The following PPP1R16B variants were observed in gnomAD, a reference collection of about 807,000 sequenced individuals.
The protein encoded by PPP1R16B is protein phosphatase 1 regulatory inhibitor subunit 16B.
In PPP1R16B, 14 loss-of-function variants were observed where a neutral mutation model predicts 61.7. That is an observed-to-expected ratio of 0.23 (90% CI 0.15 to 0.35). The LOEUF (loss-of-function observed/expected upper bound fraction) is 0.35. PPP1R16B is among the 10% of genes least tolerant of loss of function. The pLI is 1.00. For missense variants in PPP1R16B, 547 were observed against 752.5 expected, an observed-to-expected ratio of 0.73 and a Z score of 3.19; for synonymous variants, 266 against 305.3, an observed-to-expected ratio of 0.87 and a Z score of 1.34.
In PPP1R16B at chr20:38,902,809, G is replaced by A. The variant is rs763641407; in HGVS notation, c.696+17G>A. On this transcript the variant is annotated intron_variant, in intron 6 of 10. Coordinates refer to ENST00000299824, the MANE Select transcript of PPP1R16B (RefSeq NM_015568.4). The stretch of plus-strand genomic sequence containing the variant: ...GCCACACTGGTGAGGAGATGGGCCA[G>A]TACCAAAACCAAGACCAGCTAGGTC... The A allele has an allele frequency of 1.2e-5, 20 of 1,614,038 alleles. No individual in the cohort carries two copies. The highest frequency in any genetic ancestry group is 1.7e-5 in the Non-Finnish European group (20 of 1,179,970).
intron 10 of PPP1R16B, among the ~76,000 whole-genome samples, chr20:38,910,065 T>G (rs2085476523): frequency 6.6e-6 from 1 of 151,630 alleles, no homozygotes; most frequent in Non-Finnish European, 1.5e-5. Flanking sequence ...CTGCAACCTG[T>G]GCTCCCGGGT....
chr20:38,852,631 G>A (rs2084976576), intron 2 of PPP1R16B, among the ~76,000 whole-genome samples: 1 of 152,070 alleles, frequency 6.6e-6, no homozygotes, highest in African/African-American at 2.4e-5. Context: ...GGTGCTCAAT[G>A]GAGTCTAGAC....
intron 2 of PPP1R16B, chr20:38,838,226 C>CGCCCATG (rs2084885350): frequency 6.6e-6 from 1 of 152,542 alleles, no homozygotes; most frequent in Non-Finnish European, 1.5e-5. Flanking sequence ...TTCCCCTTGG[C>CGCCCATG]GCCCATGGCC....
At chr20:38,817,926 C>T (rs1240927822) in intron 1 of PPP1R16B, among the ~76,000 whole-genome samples, 1 of 152,216 alleles carries the variant, frequency 6.6e-6, no homozygotes, top group East Asian at 1.9e-4. Context: ...CACCTGTAGT[C>T]CCAGCTGCTC....
intron 2 of PPP1R16B, among the ~76,000 whole-genome samples, chr20:38,865,900 C>A (rs547658514): frequency 6.6e-6 from 1 of 151,956 alleles, no homozygotes; most frequent in South Asian, 2.1e-4. Context: ...CCGAGTTGGG[C>A]GGATCATGAG....
intron 1 of PPP1R16B, among the ~76,000 whole-genome samples, chr20:38,815,140 T>C (rs1245460057): frequency 6.6e-6 from 1 of 152,220 alleles, no homozygotes; most frequent in Non-Finnish European, 1.5e-5. Context: ...AAGTAAACTT[T>C]CCCCATCTTC....
Position 38,806,094 on chromosome 20 carries a change from C to T in PPP1R16B, c.-102+302C>T, listed in dbSNP as rs1389568387. Among the ~76,000 whole-genome samples, 1 of 147,708 alleles carries T rather than the reference C, an allele frequency of 6.8e-6. No homozygotes were observed. The highest frequency in any genetic ancestry group is 1.5e-5 in the Non-Finnish European group (1 of 66,642). ...GTTGTTGGCTGCGGCCGTCGTAGACCGATCTTGGGGCGGGGAGGTGGGGTC... is the reference window on the plus strand; with the variant it reads ...GTTGTTGGCTGCGGCCGTCGTAGACTGATCTTGGGGCGGGGAGGTGGGGTC... On this transcript the variant is annotated intron_variant, in intron 1 of 10. Transcript: ENST00000299824. This position sits in a 1 kb window ranked among gnomAD's most constrained non-coding sequence, Gnocchi z 4.5.
intron 2 of PPP1R16B, among the ~76,000 whole-genome samples, chr20:38,883,063 G>T (rs1051427582): frequency 1.3e-5 from 2 of 152,190 alleles, no homozygotes; most frequent in African/African-American, 4.8e-5. Flanking sequence ...CCTCATTGCT[G>T]GGCACTGGGC....
At chr20:38,840,701 C>T (rs779932574) in intron 2 of PPP1R16B, among the ~76,000 whole-genome samples, 2 of 152,176 alleles carry the variant, frequency 1.3e-5, no homozygotes, top group Non-Finnish European at 2.9e-5. Context: ...TACTGAGAGA[C>T]AGTGTAGTGT....
At chr20:38,814,197 C>G (rs1255437336) in intron 1 of PPP1R16B, among the ~76,000 whole-genome samples, 2 of 152,192 alleles carry the variant, frequency 1.3e-5, no homozygotes, top group African/African-American at 4.8e-5. Context: ...ATGGAAAAGT[C>G]AGGATTCCAT....
At position 38,908,057 on chromosome 20, in the gene PPP1R16B, A is replaced by G. The variant is rs1257636867; in HGVS notation, c.1058A>G (p.Asp353Gly). ...GTGGTGCGGCGAGCCAGCCTGTCGGACAGGACCAACCTGTATAGGAAGGAG... is the reference window on the plus strand; with the variant it reads ...GTGGTGCGGCGAGCCAGCCTGTCGGGCAGGACCAACCTGTATAGGAAGGAG... ...GKVVRRASLSDRTNLYRKEYE... is the reference protein window; with the variant it reads ...GKVVRRASLSGRTNLYRKEYE... The change falls in exon 10 of 11, where the codon GAC becomes GGC. Residue 353 changes from aspartate (D) to glycine (G), a missense_variant. Coordinates refer to ENST00000299824, the MANE Select transcript of PPP1R16B (RefSeq NM_015568.4). 1 of 1,614,178 alleles carries G rather than the reference A, an allele frequency of 6.2e-7. No homozygotes were observed. Among genetic ancestry groups the G allele is most frequent in the Non-Finnish European group, 8.5e-7 (1 of 1,180,028 alleles).
chr20:38,823,920 ATTTT>A (rs547715853), intron 1 of PPP1R16B, among the ~76,000 whole-genome samples: 1 of 147,852 alleles, frequency 6.8e-6, no homozygotes, highest in Non-Finnish European at 1.5e-5. Context: ...CCTGTCTGAC[ATTTT>A]TTTTTTTATT....
intron 2 of PPP1R16B, among the ~76,000 whole-genome samples, chr20:38,874,795 TG>T (rs1380398492): frequency 6.6e-6 from 1 of 152,096 alleles, no homozygotes; most frequent in African/African-American, 2.4e-5. Context: ...GGGTCAAGTG[TG>T]GGGGTATTGG....
At chr20:38,898,828 A>ACAG (rs1276261967) in intron 4 of PPP1R16B, among the ~76,000 whole-genome samples, 3 of 152,010 alleles carry the variant, frequency 2.0e-5, no homozygotes, top group Admixed American at 2.0e-4. Context: ...AACAACAACA[A>ACAG]CAACAACAAC....
chr20:38,885,219 G>A (rs560325016), intron 2 of PPP1R16B, among the ~76,000 whole-genome samples: 1 of 151,950 alleles, frequency 6.6e-6, no homozygotes, highest in East Asian at 1.9e-4. Context: ...AATAAAAGAA[G>A]AAGAAGAAGA....
chr20:38,908,378 G>A (rs1273063309), intron 10 of PPP1R16B, among the ~76,000 whole-genome samples, 185 bp downstream of exon 10: 1 of 152,226 alleles, frequency 6.6e-6, no homozygotes, highest in Non-Finnish European at 1.5e-5. Flanking sequence ...CAGTCTGATG[G>A]TGGTGGCTGC....
At chr20:38,823,271 T>A (rs1327086926) in intron 1 of PPP1R16B, among the ~76,000 whole-genome samples, 1 of 152,210 alleles carries the variant, frequency 6.6e-6, no homozygotes, top group African/African-American at 2.4e-5. Context: ...TACTAACAGT[T>A]TCATCTCTCA....
At chr20:38,813,835 C>T (rs192246099) in intron 1 of PPP1R16B, among the ~76,000 whole-genome samples, 75 of 151,042 alleles carry the variant, frequency 5.0e-4, no homozygotes, top group African/African-American at 1.6e-3. Flanking sequence ...CTCACTCTGT[C>T]GTCCAGGCTG....
chr20:38,900,966 C>G (rs1480466745), intron 5 of PPP1R16B, among the ~76,000 whole-genome samples: 1 of 152,228 alleles, frequency 6.6e-6, no homozygotes, highest in Admixed American at 6.5e-5. Context: ...TCTTCATCAG[C>G]TGTGACAATT....
Sources: gnomAD v4.1 joint callset for allele counts (sites outside exome capture counted in the v4.1 genomes callset) on GRCh38, gnomAD v4.1.1 for gene constraint, Gnocchi (gnomAD v3.1) non-coding constraint, MANE v1.5 for transcripts, NCBI Gene and HGNC (gene_info 2026-07-23, HGNC 2026-07-21) for gene names.